Variants in ASB1 observed in about 807,000 individuals in gnomAD.
ASB1 encodes ankyrin repeat and SOCS box containing 1.
In ASB1, 18 loss-of-function variants were observed where a neutral mutation model predicts 27.7. The observed-to-expected ratio is 0.65, with a 90% CI of 0.45 to 0.96. The LOEUF is 0.96. Ranked by LOEUF, ASB1 falls within the 50% of genes least tolerant of loss-of-function variation. The pLI, the probability that ASB1 is intolerant of heterozygous loss-of-function variation, is 0.00. For missense variants in ASB1, 397 were observed against 451.7 expected, an observed-to-expected ratio of 0.88 and a Z score of 1.10; for synonymous variants, 189 against 187.6, an observed-to-expected ratio of 1.01 and a Z score of -0.06.
At chr2:238,433,454 C>G in intron 1 of ASB1, 100 bp from the exon 2 acceptor site, 1 of 1,420,162 alleles carries the variant, frequency 7.0e-7, no homozygotes, top group South Asian at 1.3e-5. Context: ...GAAGGTGCCC[C>G]GTAGCTGGGA....
At chr2:238,435,490 C>G (rs926769602) in intron 2 of ASB1, among the ~76,000 whole-genome samples, 5 of 152,194 alleles carry the variant, frequency 3.3e-5, no homozygotes, top group African/African-American at 9.7e-5. Flanking sequence ...TCTGCAGGTG[C>G]CTTGAGTTTC....
chr2:238,432,713 A>G (rs72985397), intron 1 of ASB1, among the ~76,000 whole-genome samples: 14,173 of 152,202 alleles, frequency 0.093, 753 homozygotes, highest in Non-Finnish European at 0.12. Context: ...TCTTTGATAC[A>G]ATATTGATTC....
rs927161903 is a variant in ASB1, at chr2:238,426,986, G to A, written c.-85G>A. On this transcript the variant is annotated 5_prime_UTR_variant, in exon 1 of 5. Transcript: ENST00000264607. ...CCCCGACGCGCCCCCCATTGCCCTC[G>A]GCGCCGGAAGTGGTCGCGGGTCGTT... The A allele has an allele frequency of 1.2e-5, 14 of 1,128,472 alleles. No individual in the cohort carries two copies. In the African/African-American group the frequency reaches 2.3e-4, roughly 18 times the overall value. The allele number at this position is 1,128,472 out of a possible 1,614,324, so 69.9% of individuals were successfully genotyped here.
At chr2:238,444,826 T>C in intron 4 of ASB1, 99 bp downstream of exon 4, 1 of 1,370,162 alleles carries the variant, frequency 7.3e-7, no homozygotes, top group Non-Finnish European at 9.7e-7. Context: ...CCTGAGCACT[T>C]GGCCAAAATC....
At chr2:238,433,514 G>A (rs1285627017) in intron 1 of ASB1, 40 bp from the exon 2 acceptor site, 4 of 1,608,360 alleles carry the variant, frequency 2.5e-6, no homozygotes, top group Middle Eastern at 1.7e-4. Flanking sequence ...GTCTTGGCAG[G>A]GCCTCCATGA....
At position 238,444,565 on chromosome 2, in the gene ASB1, A is replaced by G. The variant is rs755047411; in HGVS notation, c.718A>G (p.Met240Val). 1 of 1,614,206 alleles carries G rather than the reference A, an allele frequency of 6.2e-7. No individual in the cohort carries two copies. Among genetic ancestry groups the G allele is most frequent in the East Asian group, 2.2e-5 (1 of 44,878 alleles). The change falls in exon 4 of 5, where the codon ATG (methionine) becomes GTG (valine). Residue 240 changes from methionine to valine, a missense_variant. Met to Val is a conservative substitution (Grantham distance 21, BLOSUM62 1). Transcript: ENST00000264607. ...CTACAGGGGCTCCCCTGGGTGCGTC[A>G]TGGATGCTGTTCTGCGCCACGGCTG... ...GFYRGSPGCV[M>V]DAVLRHGCEA...
At chr2:238,442,153 G>C (rs1046972819) in intron 3 of ASB1, among the ~76,000 whole-genome samples, 1 of 145,166 alleles carries the variant, frequency 6.9e-6, no homozygotes, top group Non-Finnish European at 1.5e-5. Flanking sequence ...ATGAAGTCTC[G>C]CTCTGTTGCC....
At chr2:238,435,646 G>A (rs1701952868) in intron 2 of ASB1, 65 bp from the exon 3 acceptor site, 3 of 1,501,390 alleles carry the variant, frequency 2.0e-6, no homozygotes, top group Admixed American at 1.9e-5. Flanking sequence ...AGGGTGAGGG[G>A]GGCAGTGCAG....
chr2:238,438,603 T>C (rs1212833161), intron 3 of ASB1, among the ~76,000 whole-genome samples: 1 of 152,226 alleles, frequency 6.6e-6, no homozygotes, highest in Non-Finnish European at 1.5e-5. Context: ...TATTATTCTA[T>C]TAAAAAGTTT....
At position 238,433,574 on chromosome 2, in the gene ASB1, C is replaced by T. The variant is rs758454750; in HGVS notation, c.70C>T (p.Leu24=). 1.2e-6 allele frequency: 2 copies of T among 1,614,144 alleles called. No homozygotes were observed. The highest frequency in any genetic ancestry group is 2.2e-5 in the South Asian group (2 of 91,072). Residue 24 remains leucine (L), a synonymous_variant, in exon 2 of 5, where the codon CTG becomes TTG. Transcript: ENST00000264607. Reference sequence around the variant, plus strand: ...TGCAGGTCGTAATCTGAAGGAGTGGCTGAGGGAGCAATTTTGTGATCATCC... The same window carrying T: ...TGCAGGTCGTAATCTGAAGGAGTGGTTGAGGGAGCAATTTTGTGATCATCC... ...GSAGRNLKEW[L]REQFCDHPLE...
intron 1 of ASB1, among the ~76,000 whole-genome samples, chr2:238,427,903 C>T (rs1701791985): frequency 6.6e-6 from 1 of 152,206 alleles, no homozygotes; most frequent in South Asian, 2.1e-4. Flanking sequence ...AGGGGTTCCT[C>T]TCCTACTTAG....
In ASB1 at chr2:238,435,670, T is replaced by C. The variant is rs747682581; in HGVS notation, c.192-41T>C. ...GGGGCAGTGCAGCCCGTCCCTGTCC[T>C]GCGGCTGCCTCTCATGAGCCCCCTT... is the stretch of plus-strand genomic sequence containing the variant. On this transcript the variant is annotated intron_variant, in intron 2 of 4. Transcript: ENST00000264607. 3.2e-6 allele frequency: 5 copies of C among 1,572,788 alleles called. No homozygotes were observed. The African/African-American group carries it at 4.0e-5, about 13-fold the overall frequency.
rs1003519089 is a variant in ASB1 at position 238,449,249 on chromosome 2, A to G, written c.*2738A>G. ...GGACAGGTTACAGAATAGGAAGAGT[A>G]GCACTTTCCGCCTAAGCACTTTAGG... On this transcript the variant is annotated 3_prime_UTR_variant, in exon 5 of 5. Transcript: ENST00000264607. 2.0e-5 allele frequency: 3 copies of G among 152,240 alleles called. No homozygotes were observed. The highest frequency in any genetic ancestry group is 2.4e-5 in the African/African-American group (1 of 41,456). 9.4% of individuals were successfully genotyped at this position (152,240 alleles called of 1,614,324 possible).
chr2:238,439,041 C>G (rs1258314358), intron 3 of ASB1, among the ~76,000 whole-genome samples: 2 of 152,154 alleles, frequency 1.3e-5, no homozygotes, highest in Admixed American at 6.5e-5. Flanking sequence ...ACCAGATTGT[C>G]ATATTGCCCA....
rs932525764 is a variant in ASB1 at position 238,439,356 on chromosome 2, C to A, written c.494+3343C>A. 4.9e-4 allele frequency among the ~76,000 whole-genome samples: 75 copies of A among 152,186 alleles called. 1 individual carries two copies. The highest frequency in any genetic ancestry group is 1.7e-3 in the African/African-American group (71 of 41,510). On this transcript the variant is annotated intron_variant, in intron 3 of 4. Transcript: ENST00000264607. ...TGAGCGTGTTGGTCCGTGTGCTGGT[C>A]CTCAGGCCTGTGCTTCCTGAAAGCA...
chr2:238,432,016 A>G (rs1308576600), intron 1 of ASB1, among the ~76,000 whole-genome samples: 1 of 152,244 alleles, frequency 6.6e-6, no homozygotes, highest in Non-Finnish European at 1.5e-5. Flanking sequence ...GGGTTGCCAC[A>G]AACCTTCAGT....
At chr2:238,437,465 C>T (rs909900935) in intron 3 of ASB1, among the ~76,000 whole-genome samples, 10 of 151,938 alleles carry the variant, frequency 6.6e-5, no homozygotes, top group Non-Finnish European at 1.3e-4. Flanking sequence ...CTTCTGACCT[C>T]GTGATCCGCC....
At chr2:238,439,178 T>G (rs1353339495) in intron 3 of ASB1, among the ~76,000 whole-genome samples, 2 of 152,216 alleles carry the variant, frequency 1.3e-5, no homozygotes, top group Non-Finnish European at 2.9e-5. Context: ...TCTTGTTGGC[T>G]CTGTGTGTTT....
rs1237740078 is a variant in ASB1 at position 238,447,441 on chromosome 2, TTGGTCGC to T, written c.*933_*939del. The T allele has an allele frequency of 6.6e-6, 1 of 152,498 alleles. No individual in the cohort carries two copies. Among genetic ancestry groups the T allele is most frequent in the Non-Finnish European group, 1.5e-5 (1 of 68,104 alleles). The allele number at this position is 152,498 out of a possible 1,614,324, so 9.4% of individuals were successfully genotyped here. ...GGTTGGTTGATTGCTCTCTTTTGTC[TTGGTCGC>T]TGCTTCTAGAATCTATGCAGGGGAT... On this transcript the variant is annotated 3_prime_UTR_variant, in exon 5 of 5. Coordinates refer to ENST00000264607, the MANE Select transcript of ASB1 (RefSeq NM_001040445.3).
Sources: gnomAD v4.1 joint callset for allele counts (sites outside exome capture counted in the v4.1 genomes callset) on GRCh38, gnomAD v4.1.1 for gene constraint, MANE v1.5 for transcripts, NCBI Gene and HGNC (gene_info 2026-07-23, HGNC 2026-07-21) for gene names.